Variants in ATXN1 observed in about 807,000 individuals in gnomAD.
ATXN1 encodes ataxin-1.
In ATXN1, 8 loss-of-function variants were observed where a neutral mutation model predicts 56.4. The ratio of observed to expected loss-of-function variants is 0.14; its 90% confidence interval spans 0.08 to 0.26. The LOEUF (loss-of-function observed/expected upper bound fraction) is 0.26. Among genes scored for constraint, ATXN1 ranks in the 10% least tolerant of loss-of-function variants. The pLI, the probability that ATXN1 is intolerant of heterozygous loss-of-function variation, is 1.00. For synonymous variants in ATXN1, 514 were observed against 494.6 expected (o/e 1.04, Z -0.52); for missense variants, 987 against 1,106.5 (o/e 0.89, Z 1.53).
intron 6 of ATXN1, among the ~76,000 whole-genome samples, chr6:16,336,067 C>T (rs189102827): frequency 1.3e-5 from 2 of 152,310 alleles, no homozygotes; most frequent in Non-Finnish European, 2.9e-5. Context: ...TTATTGATTA[C>T]TTATTATACA....
Position 16,300,208 on chromosome 6 carries a change from CT to C in ATXN1, c.*6120del, listed in dbSNP as rs1294795682. Reference sequence around the variant, plus strand: ...CCTCCAATGTATCTGCAGTGGAAGACTTGAGTCCTTTCAGATAAGAAAAGTT... The same window carrying C: ...CCTCCAATGTATCTGCAGTGGAAGACTGAGTCCTTTCAGATAAGAAAAGTT... On this transcript the variant is annotated 3_prime_UTR_variant, in exon 8 of 8. Coordinates refer to ENST00000436367, the MANE Select transcript of ATXN1 (RefSeq NM_001128164.2). The C allele has an allele frequency of 1.3e-5, 2 of 152,130 alleles. No homozygotes were observed. Among genetic ancestry groups the C allele is most frequent in the Non-Finnish European group, 2.9e-5 (2 of 68,020 alleles). The allele number at this position is 152,130 out of a possible 1,614,324, so 9.4% of individuals were successfully genotyped here.
intron 7 of ATXN1, among the ~76,000 whole-genome samples, chr6:16,319,247 C>T (rs1760589697): frequency 6.6e-6 from 1 of 151,522 alleles, no homozygotes; most frequent in Non-Finnish European, 1.5e-5. Context: ...TAAAGAACAA[C>T]ATAATATTCA....
chr6:16,715,678 C>G (rs1759623420), intron 2 of ATXN1, among the ~76,000 whole-genome samples: 1 of 152,156 alleles, frequency 6.6e-6, no homozygotes, highest in South Asian at 2.1e-4. Flanking sequence ...ACAGACCATG[C>G]TTTGTGTTGG....
chr6:16,742,352 C>T (rs1432127852), intron 2 of ATXN1, among the ~76,000 whole-genome samples: 4 of 152,228 alleles, frequency 2.6e-5, no homozygotes, highest in Non-Finnish European at 1.5e-5. Flanking sequence ...GTGACCCAGG[C>T]AGCTCCAGAG....
intron 6 of ATXN1, among the ~76,000 whole-genome samples, chr6:16,369,631 G>A (rs1292991364): frequency 6.6e-6 from 1 of 152,194 alleles, no homozygotes; most frequent in African/African-American, 2.4e-5. Context: ...TTAAAGATGT[G>A]CAAAGGGTAT....
At chr6:16,746,138 G>C (rs1760529482) in intron 2 of ATXN1, among the ~76,000 whole-genome samples, 2 of 152,110 alleles carry the variant, frequency 1.3e-5, no homozygotes, top group South Asian at 2.1e-4. Context: ...GGACCACAAA[G>C]CCAGGAGCCA....
At chr6:16,429,044 G>A (rs887497129) in intron 6 of ATXN1, among the ~76,000 whole-genome samples, 5 of 151,862 alleles carry the variant, frequency 3.3e-5, no homozygotes, top group East Asian at 1.9e-4. Context: ...CAGTGGGGGC[G>A]GCGAGGGTAG....
intron 6 of ATXN1, among the ~76,000 whole-genome samples, chr6:16,471,217 C>T (rs2113639091): frequency 6.6e-6 from 1 of 152,086 alleles, no homozygotes; most frequent in South Asian, 2.1e-4. Flanking sequence ...CACACACACA[C>T]ACACAATTCA....
intron 5 of ATXN1, among the ~76,000 whole-genome samples, chr6:16,517,371 C>T (rs1420219515): frequency 6.6e-6 from 1 of 152,166 alleles, no homozygotes; most frequent in Non-Finnish European, 1.5e-5. Flanking sequence ...TCTTCATGTC[C>T]CCAGTTTCCT....
chr6:16,495,853 ACT>A lies in ATXN1; in HGVS notation c.-298-9746_-298-9745del, dbSNP rs36019158. Reference sequence around the variant, plus strand: ...ACTCTAGCCTGGGTGACAGAGTGAGACTCTCTCTCTCTCTCTCAAAAAAAAAA... The same window carrying A: ...ACTCTAGCCTGGGTGACAGAGTGAGACTCTCTCTCTCTCTCAAAAAAAAAA... On this transcript the variant is annotated intron_variant, in intron 5 of 7. Coordinates refer to ENST00000436367, the MANE Select transcript of ATXN1 (RefSeq NM_001128164.2). Among the ~76,000 whole-genome samples, 137 of 146,412 alleles carry A rather than the reference ACT, an allele frequency of 9.4e-4. 1 individual carries two copies. In the East Asian group the frequency reaches 0.019, roughly 20 times the overall value.
chr6:16,395,270 C>CAAAAAAAAAA (rs748314030), intron 6 of ATXN1, among the ~76,000 whole-genome samples: 34 of 48,452 alleles, frequency 7.0e-4, no homozygotes, highest in African/African-American at 1.7e-3. Context: ...AACTCCGTCT[C>CAAAAAAAAAA]AAAAAAAAAA....
chr6:16,504,747 A>T (rs116426329), intron 5 of ATXN1, among the ~76,000 whole-genome samples: 3 of 152,274 alleles, frequency 2.0e-5, no homozygotes, highest in East Asian at 1.9e-4. Flanking sequence ...CACGGCGCTC[A>T]GCCTCAGACT....
At chr6:16,403,577 T>C (rs1194797111) in intron 6 of ATXN1, among the ~76,000 whole-genome samples, 4 of 152,192 alleles carry the variant, frequency 2.6e-5, no homozygotes, top group Admixed American at 2.6e-4. Flanking sequence ...TCTCGAACTC[T>C]TGAGCTCAAG....
intron 4 of ATXN1, among the ~76,000 whole-genome samples, chr6:16,530,009 G>A (rs1761472039): frequency 6.6e-6 from 1 of 152,134 alleles, no homozygotes; most frequent in Non-Finnish European, 1.5e-5. Context: ...GAAGTCACCA[G>A]CATTTCAAAG....
intron 4 of ATXN1, among the ~76,000 whole-genome samples, chr6:16,556,837 A>C (rs1382316597): frequency 1.3e-5 from 2 of 152,386 alleles, no homozygotes; most frequent in East Asian, 3.9e-4. Context: ...TATTATTTAT[A>C]AATGCTATGA....
intron 5 of ATXN1, among the ~76,000 whole-genome samples, chr6:16,516,443 C>T (rs1263786001): frequency 1.3e-5 from 2 of 152,162 alleles, no homozygotes; most frequent in Non-Finnish European, 2.9e-5. Flanking sequence ...AGCTTTGAAG[C>T]ATTGAATTGC....
intron 6 of ATXN1, among the ~76,000 whole-genome samples, chr6:16,364,549 C>T (rs962338921): frequency 2.6e-5 from 4 of 152,172 alleles, no homozygotes; most frequent in South Asian, 2.1e-4. Flanking sequence ...GTGATCTGCC[C>T]GCCTCAGCCT....
chr6:16,537,798 T>C (rs1761633929), intron 4 of ATXN1, among the ~76,000 whole-genome samples: 1 of 151,370 alleles, frequency 6.6e-6, no homozygotes, highest in African/African-American at 2.4e-5. Context: ...AGACTTCGAT[T>C]TGGAAGCTAA....
rs190568260 is a variant in ATXN1, at chr6:16,586,042, C to A, written c.-488-135G>T. 3.3e-4 allele frequency: 48 copies of A among 143,698 alleles called. No individual in the cohort carries two copies. In the East Asian group the frequency reaches 8.9e-3, roughly 27 times the overall value. 8.9% of individuals were successfully genotyped at this position (143,698 alleles called of 1,614,324 possible). A position where few individuals can be genotyped will look rare whatever the true frequency, so the allele number is the denominator to read the frequency against. On this transcript the variant is annotated intron_variant, in intron 3 of 7. Coordinates refer to ENST00000436367, the MANE Select transcript of ATXN1 (RefSeq NM_001128164.2). Reference sequence around the variant, plus strand: ...ACACACATGCACACACGCAAGCATGCGCACACACACACACACACACACACA... The same window carrying A: ...ACACACATGCACACACGCAAGCATGAGCACACACACACACACACACACACA...
Sources: allele counts gnomAD v4.1 joint callset (sites outside exome capture counted in the v4.1 genomes callset), GRCh38; gene constraint gnomAD v4.1.1; transcripts MANE v1.5; gene names NCBI Gene and HGNC (gene_info 2026-07-23, HGNC 2026-07-21).